BRF1: variants seen among roughly 807,000 people sequenced by gnomAD.
The protein encoded by BRF1 is transcription factor IIIB 90 kDa subunit.
In BRF1, 59 loss-of-function variants were observed where a neutral mutation model predicts 81.7. That is an observed-to-expected ratio of 0.72 (90% CI 0.59 to 0.90). The LOEUF is 0.90. BRF1 is among the 40% of genes least tolerant of loss of function. BRF1 has a pLI of 0.00. For missense variants in BRF1, 1,050 were observed against 936.3 expected (o/e 1.12, Z -1.58); for synonymous variants, 491 against 395.6 (o/e 1.24, Z -2.86).
At chr14:105,240,904 A>C (rs10220362) in intron 6 of BRF1, among the ~76,000 whole-genome samples, 51 of 148,902 alleles carry the variant, frequency 3.4e-4, no homozygotes, top group South Asian at 1.3e-3. Context: ...CAGGAGCAAC[A>C]ACCTAGCATC....
chr14:105,210,990 G>T lies in BRF1; in HGVS notation c.1996+132C>A. On this transcript the variant is annotated intron_variant, in intron 17 of 17. Transcript: ENST00000547530. The surrounding 1 kb of genome is among the most constrained non-coding windows in gnomAD (Gnocchi z 4.7). ...CATGACCAATTTACAAAATGTCTTA[G>T]TTCAAATTTCTTTCCAGGGAGAAAC... The T allele has an allele frequency of 1.4e-6, 2 of 1,464,880 alleles. No homozygotes were observed. The highest frequency in any genetic ancestry group is 2.3e-5 in the East Asian group (1 of 43,584). 90.7% of individuals were successfully genotyped at this position (1,464,880 alleles called of 1,614,324 possible).
At chr14:105,292,754 C>A (rs1009715062) in intron 1 of BRF1, among the ~76,000 whole-genome samples, 2 of 152,142 alleles carry the variant, frequency 1.3e-5, no homozygotes, top group East Asian at 1.9e-4. Context: ...AGCACGGCAG[C>A]CCACACCCCT....
intron 4 of BRF1, 123 bp from the exon 5 acceptor site, chr14:105,252,702 C>T (rs1416152116): frequency 9.7e-7 from 1 of 1,027,956 alleles, no homozygotes; most frequent in East Asian, 2.8e-5. Flanking sequence ...GAGCAGCCAC[C>T]CCACACCCGC....
intron 4 of BRF1, 40 bp from the exon 5 acceptor site, chr14:105,252,619 T>G: frequency 6.3e-7 from 1 of 1,596,794 alleles, no homozygotes; most frequent in Non-Finnish European, 8.5e-7. Flanking sequence ...GCATTGGTAT[T>G]TAAGGAAATG....
chr14:105,296,425 A>G (rs2057748416), intron 1 of BRF1, among the ~76,000 whole-genome samples: 1 of 152,064 alleles, frequency 6.6e-6, no homozygotes, highest in Admixed American at 6.6e-5. Context: ...AGGCAGGAGA[A>G]TGGCATGAAC....
chr14:105,215,772 C>T (rs587619093), intron 15 of BRF1, among the ~76,000 whole-genome samples: 11 of 139,824 alleles, frequency 7.9e-5, no homozygotes, highest in African/African-American at 1.6e-4. Context: ...CACATGCACA[C>T]ACACTGCACA....
chr14:105,310,972 G>A (rs1761227462), intron 1 of BRF1, among the ~76,000 whole-genome samples: 1 of 152,108 alleles, frequency 6.6e-6, no homozygotes, highest in African/African-American at 2.4e-5. Context: ...GTTTTCTTGA[G>A]ACAGAGTTTC....
intron 4 of BRF1, chr14:105,256,146 A>AT (rs2055854491): frequency 4.2e-6 from 6 of 1,440,684 alleles, no homozygotes; most frequent in Admixed American, 2.4e-5. Context: ...AATAAATAAA[A>AT]TGCAAGGTCA....
rs587722335 is a variant in BRF1, at chr14:105,209,390, G to A, written c.*1161C>T. 20 of 631,560 alleles carry A rather than the reference G, an allele frequency of 3.2e-5. No individual in the cohort carries two copies. Among genetic ancestry groups the A allele is most frequent in the South Asian group, 1.6e-4 (9 of 57,282 alleles). The allele number at this position is 631,560 out of a possible 1,614,324, so 39.1% of individuals were successfully genotyped here. ...CCAGGCTGGCTACTGAGCTCTGGGC[G>A]GGGGTAGGGGGGTCTGGCCTGCTGC... On this transcript the variant is annotated 3_prime_UTR_variant, in exon 18 of 18. Coordinates refer to ENST00000547530, the MANE Select transcript of BRF1 (RefSeq NM_001519.4).
chr14:105,280,591 G>A (rs913190726), intron 2 of BRF1, among the ~76,000 whole-genome samples: 4 of 150,806 alleles, frequency 2.7e-5, no homozygotes, highest in African/African-American at 7.3e-5. Flanking sequence ...GCAGGTGGAG[G>A]CTGCATGATC....
Position 105,300,615 on chromosome 14 carries a change from C to A in BRF1, c.15G>T (p.Val5=). Residue 5 remains valine, a synonymous_variant, in exon 1 of 18, where the codon GTG becomes GTT. Coordinates refer to ENST00000547530, the MANE Select transcript of BRF1 (RefSeq NM_001519.4). MTGR[V]CRGCGGTDIE... ...TGTCCGTGCCGCCGCAACCGCGGCA[C>A]ACGCGGCCCGTCATGCCGGCGACCG... The A allele has an allele frequency of 7.1e-7, 1 of 1,416,714 alleles. No homozygotes were observed. The highest frequency in any genetic ancestry group is 9.2e-7 in the Non-Finnish European group (1 of 1,092,408). The allele number at this position is 1,416,714 out of a possible 1,614,324, so 87.8% of individuals were successfully genotyped here.
At chr14:105,274,037 A>G (rs1397495527) in intron 2 of BRF1, among the ~76,000 whole-genome samples, 1 of 152,206 alleles carries the variant, frequency 6.6e-6, no homozygotes, top group Non-Finnish European at 1.5e-5. Flanking sequence ...CAATTCTGAG[A>G]TAGGAGAAAA....
At chr14:105,215,576 G>A (rs1403703389) in intron 15 of BRF1, among the ~76,000 whole-genome samples, 1 of 132,536 alleles carries the variant, frequency 7.5e-6, no homozygotes, top group South Asian at 2.5e-4. Context: ...TACACTGCAG[G>A]CACACAGACA....
chr14:105,256,422 G>T, intron 4 of BRF1, 96 bp downstream of exon 4: 1 of 1,613,304 alleles, frequency 6.2e-7, no homozygotes, highest in Non-Finnish European at 8.5e-7. Flanking sequence ...ACTGAGATGC[G>T]TGGAGGCACC....
At chr14:105,218,421 G>A (rs982432595) in intron 14 of BRF1, among the ~76,000 whole-genome samples, 1 of 152,138 alleles carries the variant, frequency 6.6e-6, no homozygotes, top group African/African-American at 2.4e-5. Context: ...AAGCTCCCCG[G>A]GTCCTGCTGA....
chr14:105,217,923 G>T (rs995474649), intron 14 of BRF1, 123 bp from the exon 15 acceptor site: 3 of 1,419,680 alleles, frequency 2.1e-6, no homozygotes, highest in Non-Finnish European at 2.8e-6. Context: ...CAGAAGGGCC[G>T]CTCCTGCCTC....
At chr14:105,280,741 C>T (rs1420582090) in intron 2 of BRF1, among the ~76,000 whole-genome samples, 3 of 151,912 alleles carry the variant, frequency 2.0e-5, no homozygotes, top group Non-Finnish European at 2.9e-5. Flanking sequence ...CCGCGTGACC[C>T]TGAGCCCGGG....
At chr14:105,270,865 C>G (rs1042257205) in intron 3 of BRF1, among the ~76,000 whole-genome samples, 1 of 152,002 alleles carries the variant, frequency 6.6e-6, no homozygotes, top group African/African-American at 2.4e-5. Flanking sequence ...GCACCGTCAG[C>G]AGGCTACCAG....
Position 105,226,176 on chromosome 14 carries a change from T to A in BRF1, c.956-15A>T. 1 of 1,613,948 alleles carries A rather than the reference T, an allele frequency of 6.2e-7. No homozygotes were observed. On this transcript the variant is annotated splice_polypyrimidine_tract_variant and intron_variant, in intron 9 of 17. Transcript: ENST00000547530. Reference sequence around the variant, plus strand: ...GGATATTTCACCTGAAGTCATAAGTTAAAAGCAAAAAGTCAGCATAAAATC... The same window carrying A: ...GGATATTTCACCTGAAGTCATAAGTAAAAAGCAAAAAGTCAGCATAAAATC...
Sources: gnomAD v4.1 joint callset for allele counts (sites outside exome capture counted in the v4.1 genomes callset) on GRCh38, gnomAD v4.1.1 for gene constraint, Gnocchi (gnomAD v3.1) non-coding constraint, MANE v1.5 for transcripts, NCBI Gene and HGNC (gene_info 2026-07-23, HGNC 2026-07-21) for gene names.